MYOF: variants seen among roughly 807,000 people sequenced by gnomAD.
MYOF encodes the protein myoferlin.
A neutral mutation model predicts 284.2 loss-of-function variants in MYOF; 244 were observed. That is an observed-to-expected ratio of 0.86 (90% confidence interval 0.77 to 0.95). The LOEUF is 0.95. Ranked by LOEUF, MYOF falls within the 40% of genes least tolerant of loss-of-function variation. MYOF has a pLI of 0.00. For synonymous variants in MYOF, 904 were observed against 919.7 expected (o/e 0.98, Z 0.31); for missense variants, 2,496 against 2,560.6 (o/e 0.97, Z 0.54).
chr10:93,321,435 T>TA (rs1554836720), intron 48 of MYOF, among the ~76,000 whole-genome samples: 3 of 138,144 alleles, frequency 2.2e-5, no homozygotes, highest in African/African-American at 5.2e-5. Context: ...TTTTTTTTTT[T>TA]ACAAGAGCCA....
At position 93,310,583 on chromosome 10, in the gene MYOF, C is replaced by T. The variant is rs569934741; in HGVS notation, c.5950G>A (p.Gly1984Arg). Residue 1984 changes from glycine to arginine, a missense_variant, in exon 52 of 54, where the codon GGG becomes AGG. Around this residue, in one of 3 missense-constraint regions of MYOF, gnomAD observed 2,436 missense variants for 2,480.7 expected, o/e 0.98. Transcript: ENST00000359263. ...NEKEADERPA[G>R]KGRDEPNMNP... ...ATGTTGGGTTCGTCCCGCCCCTTCC[C>T]GGCTGGCCTCTCGTCGGCCTCCTTC... 1.7e-5 allele frequency: 27 copies of T among 1,614,146 alleles called. No individual in the cohort carries two copies. Among genetic ancestry groups the T allele is most frequent in the South Asian group, 4.4e-5 (4 of 91,080 alleles).
At chr10:93,472,425 G>T (rs1013439910) in intron 1 of MYOF, among the ~76,000 whole-genome samples, 1 of 152,112 alleles carries the variant, frequency 6.6e-6, no homozygotes, top group Non-Finnish European at 1.5e-5. Flanking sequence ...GATCACTTGA[G>T]GTCAGGAGTT....
chr10:93,321,889 C>T (rs61053203), intron 48 of MYOF, among the ~76,000 whole-genome samples: 6,238 of 151,862 alleles, frequency 0.041, 376 homozygotes, highest in African/African-American at 0.14. Flanking sequence ...TTTCACATGT[C>T]GTATTTAGAT....
intron 39 of MYOF, among the ~76,000 whole-genome samples, chr10:93,338,882 C>A (rs1246812796): frequency 6.6e-6 from 1 of 151,770 alleles, no homozygotes; most frequent in Non-Finnish European, 1.5e-5. Flanking sequence ...TCTTATCAGA[C>A]CCCCTCTTTG....
chr10:93,314,555 A>G (rs961146668), intron 50 of MYOF, among the ~76,000 whole-genome samples: 6 of 152,300 alleles, frequency 3.9e-5, no homozygotes, highest in Admixed American at 1.3e-4. Flanking sequence ...AAGAGCAACA[A>G]GGAGGTTGTG....
intron 5 of MYOF, among the ~76,000 whole-genome samples, chr10:93,424,150 G>T (rs979808138): frequency 6.6e-6 from 1 of 152,190 alleles, no homozygotes; most frequent in Non-Finnish European, 1.5e-5. Context: ...AAGCCACCCA[G>T]TTTGCGGTAG....
chr10:93,378,693 G>GTGTGTATA, intron 21 of MYOF, among the ~76,000 whole-genome samples: 18 of 87,886 alleles, frequency 2.0e-4, no homozygotes, highest in African/African-American at 7.7e-4. Context: ...GTGTGTGTGT[G>GTGTGTATA]TATATATATA....
At chr10:93,406,170 G>A (rs1847560885) in intron 7 of MYOF, among the ~76,000 whole-genome samples, 1 of 149,938 alleles carries the variant, frequency 6.7e-6, no homozygotes, top group African/African-American at 2.4e-5. Context: ...TGTTGTCCAG[G>A]CTGGTCTTGA....
intron 5 of MYOF, among the ~76,000 whole-genome samples, chr10:93,413,663 G>A (rs1460857648): frequency 1.3e-5 from 2 of 152,220 alleles, no homozygotes; most frequent in Non-Finnish European, 2.9e-5. Flanking sequence ...GTCGCAGGAA[G>A]TCCCACAAAC....
rs115242440 is a variant in MYOF at position 93,461,337 on chromosome 10, G to A, written c.89-4400C>T. 4.8e-3 allele frequency among the ~76,000 whole-genome samples: 738 copies of A among 152,304 alleles called. 4 individuals are homozygous for A. The highest frequency in any genetic ancestry group is 0.017 in the African/African-American group (708 of 41,568). On this transcript the variant is annotated intron_variant, in intron 1 of 53. Transcript: ENST00000359263. ...AATGTTTGTGAAATTGCCAGGCATT[G>A]AGCACTGTAGGAGACACAAAAATAC... is the stretch of plus-strand genomic sequence containing the variant.
intron 26 of MYOF, among the ~76,000 whole-genome samples, chr10:93,365,836 C>A (rs787642): frequency 0.67 from 102,248 of 152,088 alleles, 35,305 homozygotes; most frequent in East Asian, 0.98. Context: ...ATTATAAAAA[C>A]TTCAAGTCCC....
intron 9 of MYOF, among the ~76,000 whole-genome samples, chr10:93,403,234 C>T (rs1847386251): frequency 6.6e-6 from 1 of 152,160 alleles, no homozygotes; most frequent in South Asian, 2.1e-4. Context: ...CAGAAATTCA[C>T]CTGGCCCAAT....
At chr10:93,456,187 C>G (rs1301276578) in intron 2 of MYOF, among the ~76,000 whole-genome samples, 6 of 152,142 alleles carry the variant, frequency 3.9e-5, no homozygotes, top group Non-Finnish European at 5.9e-5. Context: ...TGGGCATATG[C>G]TTAGGATATA....
At position 93,402,352 on chromosome 10, in the gene MYOF, A is replaced by G. The variant is rs750622140; in HGVS notation, c.875-5T>C. The stretch of plus-strand genomic sequence containing the variant: ...ACTTTCTCATGACAGCATGGCCTAA[A>G]ATAGAGAAGGAGTAAAAGGAAATGG... On this transcript the variant is annotated splice_region_variant and splice_polypyrimidine_tract_variant and intron_variant, in intron 10 of 53. Transcript: ENST00000359263. 11 of 1,605,924 alleles carry G rather than the reference A, an allele frequency of 6.8e-6. No homozygotes were observed.
chr10:93,472,662 AAAAAC>A (rs1397101133), intron 1 of MYOF, among the ~76,000 whole-genome samples: 1 of 152,162 alleles, frequency 6.6e-6, no homozygotes, highest in African/African-American at 2.4e-5. Flanking sequence ...AAACAAAAAC[AAAAAC>A]AAAACTGTAC....
At chr10:93,311,718 C>A (rs576750888) in intron 51 of MYOF, among the ~76,000 whole-genome samples, 1 of 152,238 alleles carries the variant, frequency 6.6e-6, no homozygotes, top group Admixed American at 6.5e-5. Flanking sequence ...TTTGGGAAGC[C>A]CTGGCCCTGA....
intron 19 of MYOF, among the ~76,000 whole-genome samples, chr10:93,384,518 C>T (rs1174706880): frequency 6.6e-6 from 1 of 151,998 alleles, no homozygotes; most frequent in Non-Finnish European, 1.5e-5. Context: ...GTGAGAGGTG[C>T]CTGTAATCCC....
chr10:93,392,728 T>TA (rs1846757342), intron 17 of MYOF, among the ~76,000 whole-genome samples, 189 bp downstream of exon 17: 1 of 152,232 alleles, frequency 6.6e-6, no homozygotes, highest in African/African-American at 2.4e-5. Flanking sequence ...AAAGCCTGGT[T>TA]AGCATATTTC....
chr10:93,423,556 G>A (rs1043876368), intron 5 of MYOF, among the ~76,000 whole-genome samples: 2 of 122,530 alleles, frequency 1.6e-5, no homozygotes, highest in East Asian at 2.6e-4. Context: ...AAAAAAAGCC[G>A]AGTGCAGTGG....
Sources: allele counts gnomAD v4.1 joint callset (sites outside exome capture counted in the v4.1 genomes callset), GRCh38; gene constraint gnomAD v4.1.1; regional missense constraint gnomAD v4.1.1; transcripts MANE v1.5; gene names NCBI Gene and HGNC (gene_info 2026-07-23, HGNC 2026-07-21).